HIVEP3: variants seen among roughly 807,000 people sequenced by gnomAD.
The protein encoded by HIVEP3 is HIVEP zinc finger 3, also known as transcription factor HIVEP3.
Under a neutral mutation model 152.8 loss-of-function variants are expected in HIVEP3, and 49 were observed. That is an observed-to-expected ratio of 0.32 (90% CI 0.26 to 0.41). The LOEUF (loss-of-function observed/expected upper bound fraction) is 0.41. Among genes scored for constraint, HIVEP3 ranks in the 10% least tolerant of loss-of-function variants. The pLI, the probability that HIVEP3 is intolerant of heterozygous loss-of-function variation, is 1.00. For missense variants in HIVEP3, 2,790 were observed against 3,103.3 expected (o/e 0.90, Z 2.40); for synonymous variants, 1,269 against 1,289.0 (o/e 0.98, Z 0.33).
At chr1:41,961,113 T>TTGTAAGGAC in intron 1 of HIVEP3, among the ~76,000 whole-genome samples, 1 of 152,236 alleles carries the variant, frequency 6.6e-6, no homozygotes, top group Non-Finnish European at 1.5e-5. Context: ...TGCCAAGTTC[T>TTGTAAGGAC]AACATTCCTT....
intron 1 of HIVEP3, among the ~76,000 whole-genome samples, chr1:42,027,016 G>C (rs917873087): frequency 6.6e-6 from 1 of 152,050 alleles, no homozygotes; most frequent in Non-Finnish European, 1.5e-5. Context: ...CATGTATTTT[G>C]AAGTTTATGG....
chr1:41,937,408 G>A (rs776573181), intron 1 of HIVEP3, among the ~76,000 whole-genome samples: 2 of 152,122 alleles, frequency 1.3e-5, no homozygotes, highest in African/African-American at 4.8e-5. Flanking sequence ...CAGACTTCTA[G>A]GAAGACAATC....
chr1:41,632,979 A>G (rs1645217367), intron 2 of HIVEP3, among the ~76,000 whole-genome samples: 1 of 152,056 alleles, frequency 6.6e-6, no homozygotes, highest in South Asian at 2.1e-4. Context: ...GAGGTCCTGC[A>G]GCCAGGGTGA....
intron 1 of HIVEP3, among the ~76,000 whole-genome samples, chr1:41,706,084 T>A (rs1383964232): frequency 6.6e-6 from 1 of 152,136 alleles, no homozygotes; most frequent in Non-Finnish European, 1.5e-5. Flanking sequence ...GCAGGACAAA[T>A]CAGGGTACAT....
intron 1 of HIVEP3, among the ~76,000 whole-genome samples, chr1:41,935,256 C>T (rs753148257): frequency 6.6e-6 from 1 of 152,196 alleles, no homozygotes; most frequent in East Asian, 1.9e-4. Flanking sequence ...CTAAGAAACT[C>T]GTCAAATCCA....
At chr1:41,972,821 A>T (rs1300440980) in intron 1 of HIVEP3, among the ~76,000 whole-genome samples, 1 of 152,194 alleles carries the variant, frequency 6.6e-6, no homozygotes, top group African/African-American at 2.4e-5. Context: ...AAATTCTTTG[A>T]AAAGTTTGAG....
chr1:41,529,892 C>T (rs1372095731), intron 5 of HIVEP3, among the ~76,000 whole-genome samples: 1 of 142,634 alleles, frequency 7.0e-6, no homozygotes, highest in Non-Finnish European at 1.5e-5. Context: ...GATGCATACT[C>T]CCACAATCAA....
At chr1:41,545,207 TATCGCCACCACCACCATCGCTACC>T (rs1643721857) in intron 5 of HIVEP3, among the ~76,000 whole-genome samples, 1 of 34,770 alleles carries the variant, frequency 2.9e-5, no homozygotes. Context: ...CCACCACCAC[TATCGCCACCACCACCATCGCTACC>T]ATCACCACCA....
intron 5 of HIVEP3, among the ~76,000 whole-genome samples, chr1:41,552,228 TTAC>T (rs1338736887): frequency 6.6e-6 from 1 of 152,182 alleles, no homozygotes; most frequent in Non-Finnish European, 1.5e-5. Flanking sequence ...TTTTTCATTA[TTAC>T]TATACTTTAA....
intron 1 of HIVEP3, among the ~76,000 whole-genome samples, chr1:41,806,737 G>A (rs996551558): frequency 2.6e-5 from 4 of 152,094 alleles, no homozygotes; most frequent in African/African-American, 9.7e-5. Flanking sequence ...GCAGGGCCGG[G>A]GCCAGCGGGA....
At chr1:41,659,484 C>A (rs1293139748) in intron 2 of HIVEP3, among the ~76,000 whole-genome samples, 1 of 152,212 alleles carries the variant, frequency 6.6e-6, no homozygotes, top group Non-Finnish European at 1.5e-5. Flanking sequence ...TAGAATGGTG[C>A]CCAGGGCCCA....
At chr1:41,892,862 G>A (rs1446035911) in intron 1 of HIVEP3, among the ~76,000 whole-genome samples, 1 of 152,146 alleles carries the variant, frequency 6.6e-6, no homozygotes, top group African/African-American at 2.4e-5. Context: ...GCTCATGCCT[G>A]TAATCCCAGA....
At chr1:41,544,520 G>A (rs963307465) in intron 5 of HIVEP3, among the ~76,000 whole-genome samples, 1 of 151,312 alleles carries the variant, frequency 6.6e-6, no homozygotes, top group Non-Finnish European at 1.5e-5. Flanking sequence ...GACAGGGAGG[G>A]GGATGTCTCT....
intron 2 of HIVEP3, among the ~76,000 whole-genome samples, chr1:41,682,364 C>T (rs978803112): frequency 5.3e-5 from 8 of 152,128 alleles, no homozygotes; most frequent in Non-Finnish European, 1.0e-4. Context: ...CTACCTAGGT[C>T]GTGAGCTCTC....
At chr1:41,889,131 C>T (rs758878381) in intron 1 of HIVEP3, among the ~76,000 whole-genome samples, 4 of 149,674 alleles carry the variant, frequency 2.7e-5, no homozygotes, top group Non-Finnish European at 4.5e-5. Context: ...CACACACACA[C>T]CCCCCACATA....
chr1:41,976,791 G>T (rs544769820), intron 1 of HIVEP3, among the ~76,000 whole-genome samples: 2 of 152,286 alleles, frequency 1.3e-5, no homozygotes, highest in Non-Finnish European at 2.9e-5. Flanking sequence ...CGCACTCAGG[G>T]AGGACGCCAT....
intron 2 of HIVEP3, among the ~76,000 whole-genome samples, chr1:41,660,184 C>T (rs192555500): frequency 1.2e-4 from 18 of 152,086 alleles, no homozygotes; most frequent in African/African-American, 3.4e-4. Flanking sequence ...AGTGCACACA[C>T]GTGTGTATGT....
chr1:41,866,554 CA>C (rs11313280), intron 1 of HIVEP3, among the ~76,000 whole-genome samples: 131,981 of 152,222 alleles, frequency 0.87, 57,551 homozygotes, highest in East Asian at 1. Context: ...GACCCAGGAC[CA>C]AGCCTGCTTG....
chr1:41,525,759 C>T (rs1218901818), intron 5 of HIVEP3, among the ~76,000 whole-genome samples: 1 of 152,174 alleles, frequency 6.6e-6, no homozygotes, highest in Non-Finnish European at 1.5e-5. Flanking sequence ...AGGAAACCCA[C>T]GAGTCCCACA....
Sources: gnomAD v4.1 joint callset for allele counts (sites outside exome capture counted in the v4.1 genomes callset) on GRCh38, gnomAD v4.1.1 for gene constraint, MANE v1.5 for transcripts, NCBI Gene and HGNC (gene_info 2026-07-23, HGNC 2026-07-21) for gene names.